MAPK10: variants seen among roughly 807,000 people sequenced by gnomAD.
MAPK10 encodes mitogen-activated protein kinase 10.
MAPK10 carries 25 observed loss-of-function variants against 59.3 expected under a neutral mutation model. That is an observed-to-expected ratio of 0.42 (90% CI 0.31 to 0.59). MAPK10 has a LOEUF of 0.59. Among genes scored for constraint, MAPK10 ranks in the 20% least tolerant of loss-of-function variants. The pLI is 0.15. For missense variants in MAPK10, 351 were observed against 568.9 expected, an observed-to-expected ratio of 0.62 and a Z score of 3.90; for synonymous variants, 190 against 200.5, an observed-to-expected ratio of 0.95 and a Z score of 0.44.
intron 1 of MAPK10, among the ~76,000 whole-genome samples, chr4:86,398,967 A>G (rs535801820): frequency 6.6e-6 from 1 of 152,290 alleles, no homozygotes; most frequent in Non-Finnish European, 1.5e-5. Flanking sequence ...ATAGTATTCC[A>G]TGGTGCATAG....
At chr4:86,421,744 G>A (rs937165829) in intron 1 of MAPK10, among the ~76,000 whole-genome samples, 1 of 152,212 alleles carries the variant, frequency 6.6e-6, no homozygotes, top group South Asian at 2.1e-4. Flanking sequence ...CTGCAAATAT[G>A]TTCTATAACA....
intron 9 of MAPK10, among the ~76,000 whole-genome samples, chr4:86,078,239 T>C (rs556007992): frequency 6.6e-6 from 1 of 152,372 alleles, no homozygotes; most frequent in East Asian, 1.9e-4. Context: ...GTTTCAGTTT[T>C]ATGACACAAA....
chr4:86,408,914 C>A (rs1744755334), intron 1 of MAPK10, among the ~76,000 whole-genome samples: 1 of 152,168 alleles, frequency 6.6e-6, no homozygotes, highest in African/African-American at 2.4e-5. Context: ...AATTAGATCC[C>A]ATTTGTCAAT....
Position 86,479,686 on chromosome 4 carries a change from G to T in MAPK10, c.-263+114224C>A, listed in dbSNP as rs147646585. ...TAAATAAATCATCTTTGCCGGCAGG[G>T]CTATGCTGAACTTCCTTAGGCACTC... On this transcript the variant is annotated intron_variant, in intron 1 of 4. Transcript: ENST00000502302. Among the ~76,000 whole-genome samples, 85 of 152,188 alleles carry T rather than the reference G, an allele frequency of 5.6e-4. No individual in the cohort carries two copies. The East Asian group carries it at 0.016, about 29-fold the overall frequency.
intron 2 of MAPK10, among the ~76,000 whole-genome samples, chr4:86,235,790 TGAG>T (rs1034514167): frequency 2.2e-4 from 33 of 152,212 alleles, no homozygotes; most frequent in African/African-American, 8.0e-4. Context: ...AACAGTGTGC[TGAG>T]GAGAAGCTTC....
chr4:86,359,199 T>C (rs752886272), intron 1 of MAPK10, among the ~76,000 whole-genome samples: 6 of 151,402 alleles, frequency 4.0e-5, no homozygotes, highest in African/African-American at 9.7e-5. Flanking sequence ...ACCCATCACA[T>C]TTTTCAGATA....
intron 1 of MAPK10, among the ~76,000 whole-genome samples, chr4:86,378,572 C>T (rs1740180438): frequency 6.6e-6 from 1 of 152,202 alleles, no homozygotes; most frequent in Admixed American, 6.5e-5. Flanking sequence ...TTTTGTTTAT[C>T]AGTGGATCCT....
intron 3 of MAPK10, among the ~76,000 whole-genome samples, chr4:86,163,516 C>A (rs746756526): frequency 6.6e-6 from 1 of 151,936 alleles, no homozygotes; most frequent in Non-Finnish European, 1.5e-5. Context: ...AACAAGACAG[C>A]AGATTATTTA....
chr4:86,270,830 T>C (rs917410356), intron 2 of MAPK10, among the ~76,000 whole-genome samples: 2 of 152,164 alleles, frequency 1.3e-5, no homozygotes, highest in African/African-American at 4.8e-5. Context: ...TTGAGATTCA[T>C]GCATGTTGCA....
chr4:86,184,522 T>C (rs2077692425), intron 3 of MAPK10, among the ~76,000 whole-genome samples: 1 of 152,164 alleles, frequency 6.6e-6, no homozygotes. Flanking sequence ...GTTTGGATAT[T>C]TGTCCCCTTC....
intron 1 of MAPK10, among the ~76,000 whole-genome samples, chr4:86,373,093 G>T (rs1739163860): frequency 6.6e-6 from 1 of 152,140 alleles, no homozygotes; most frequent in Non-Finnish European, 1.5e-5. Flanking sequence ...AGAGGCCACA[G>T]AAATAATGCC....
chr4:86,103,270 G>A, intron 5 of MAPK10, 26 bp from the exon 6 acceptor site: 1 of 1,106,078 alleles, frequency 9.0e-7, no homozygotes, highest in Admixed American at 1.7e-5. Flanking sequence ...AGGGACAGAG[G>A]AAACGAGAGA....
chr4:86,094,095 G>T (rs1279615659), intron 9 of MAPK10, among the ~76,000 whole-genome samples: 1 of 151,744 alleles, frequency 6.6e-6, no homozygotes, highest in Non-Finnish European at 1.5e-5. Context: ...ATTTCAAAGA[G>T]GTAAGAAGAA....
chr4:86,428,820 C>A (rs1747651632), intron 1 of MAPK10, among the ~76,000 whole-genome samples: 1 of 152,168 alleles, frequency 6.6e-6, no homozygotes, highest in Non-Finnish European at 1.5e-5. Flanking sequence ...CAGCCCAATA[C>A]TTGAATTTAT....
At position 86,107,364 on chromosome 4, in the gene MAPK10, C is replaced by A; in HGVS notation, c.237-12G>T. The A allele has an allele frequency of 1.2e-6, 2 of 1,601,248 alleles. No individual in the cohort carries two copies. Among genetic ancestry groups the A allele is most frequent in the Non-Finnish European group, 1.7e-6 (2 of 1,176,028 alleles). ...CATCATACGCGGCACTGTAGAGATC[C>A]AAGAGCAACTCAGAATTAAGAACAA... On this transcript the variant is annotated splice_polypyrimidine_tract_variant and intron_variant, in intron 4 of 13. Transcript: ENST00000641462.
chr4:86,194,734 A>C (rs537469277), intron 2 of MAPK10, among the ~76,000 whole-genome samples: 50 of 151,852 alleles, frequency 3.3e-4, no homozygotes, highest in African/African-American at 8.9e-4. Flanking sequence ...ACAAAAAAAA[A>C]CTCTCAAACA....
At chr4:86,137,339 A>C (rs1215684365) in intron 4 of MAPK10, among the ~76,000 whole-genome samples, 1 of 149,246 alleles carries the variant, frequency 6.7e-6, no homozygotes, top group South Asian at 2.1e-4. Flanking sequence ...ACTATCTCTC[A>C]GACCACAGTG....
At chr4:86,420,314 G>A (rs1564836595) in intron 1 of MAPK10, among the ~76,000 whole-genome samples, 1 of 152,126 alleles carries the variant, frequency 6.6e-6, no homozygotes, top group Non-Finnish European at 1.5e-5. Context: ...ACTCAGAAAT[G>A]AACCAAGTGC....
At chr4:86,058,348 C>G (rs1423232580) in intron 11 of MAPK10, among the ~76,000 whole-genome samples, 3 of 149,426 alleles carry the variant, frequency 2.0e-5, no homozygotes, top group Non-Finnish European at 4.4e-5. Flanking sequence ...CTGTCCTCCC[C>G]CTTTCTTTAG....
Sources: allele counts gnomAD v4.1 joint callset (sites outside exome capture counted in the v4.1 genomes callset), GRCh38; gene constraint gnomAD v4.1.1; transcripts MANE v1.5; gene names NCBI Gene and HGNC (gene_info 2026-07-23, HGNC 2026-07-21).